TSHR: variants seen among roughly 807,000 people sequenced by gnomAD.
TSHR encodes the protein thyroid stimulating hormone receptor.
A neutral mutation model predicts 64.1 loss-of-function variants in TSHR; 51 were observed. The ratio of observed to expected loss-of-function variants is 0.80; its 90% confidence interval spans 0.64 to 1.01. The LOEUF (loss-of-function observed/expected upper bound fraction) is 1.01. TSHR is among the 50% of genes least tolerant of loss of function. The pLI, the probability that TSHR is intolerant of heterozygous loss-of-function variation, is 0.00. For missense variants in TSHR, 877 were observed against 942.8 expected (o/e 0.93, Z 0.91); for synonymous variants, 361 against 361.9 (o/e 1.00, Z 0.03).
intron 8 of TSHR, among the ~76,000 whole-genome samples, chr14:81,118,338 C>A (rs565476235): frequency 0.02 from 1,807 of 91,490 alleles, 94 homozygotes; most frequent in African/African-American, 0.087. Context: ...TCTCAGGATA[C>A]AAAATCAATG....
At chr14:81,112,324 C>G (rs1890259876) in intron 8 of TSHR, among the ~76,000 whole-genome samples, 1 of 152,176 alleles carries the variant, frequency 6.6e-6, no homozygotes, top group Admixed American at 6.5e-5. Flanking sequence ...CTTCATTATT[C>G]TGATCTGTTG....
chr14:80,970,098 G>T (rs571643861), intron 1 of TSHR, among the ~76,000 whole-genome samples: 4 of 152,112 alleles, frequency 2.6e-5, no homozygotes, highest in Admixed American at 2.0e-4. Flanking sequence ...ATTTTTTTTG[G>T]CTGGCATTAG....
chr14:81,058,434 C>T (rs1885980154), intron 1 of TSHR, among the ~76,000 whole-genome samples: 1 of 152,190 alleles, frequency 6.6e-6, no homozygotes, highest in Admixed American at 6.5e-5. Flanking sequence ...ATAAAATGTG[C>T]ATTCTCCACA....
At chr14:80,985,286 T>A (rs542002510) in intron 1 of TSHR, among the ~76,000 whole-genome samples, 6 of 152,324 alleles carry the variant, frequency 3.9e-5, no homozygotes, top group African/African-American at 1.4e-4. Flanking sequence ...AATTGCTTTT[T>A]TCCTCCTTGC....
At chr14:81,036,780 T>C (rs1884647008) in intron 1 of TSHR, among the ~76,000 whole-genome samples, 1 of 152,196 alleles carries the variant, frequency 6.6e-6, no homozygotes, top group Non-Finnish European at 1.5e-5. Context: ...ATGATTACTA[T>C]AGCTACAACA....
intron 8 of TSHR, among the ~76,000 whole-genome samples, chr14:81,115,743 T>C (rs1371990362): frequency 8.4e-4 from 127 of 151,520 alleles, no homozygotes; most frequent in Admixed American, 8.3e-3. Context: ...TTCACCAAAG[T>C]TGAAATGAAG....
chr14:81,027,564 CT>C (rs1484517100), intron 1 of TSHR, among the ~76,000 whole-genome samples: 1 of 152,108 alleles, frequency 6.6e-6, no homozygotes, highest in African/African-American at 2.4e-5. Context: ...TCATCAAGTT[CT>C]CAGGGTAACA....
intron 1 of TSHR, among the ~76,000 whole-genome samples, chr14:80,984,087 G>T (rs1308254153): frequency 6.6e-6 from 1 of 152,130 alleles, no homozygotes; most frequent in African/African-American, 2.4e-5. Context: ...GTGTGAGTGT[G>T]CACGTGTATA....
intron 7 of TSHR, among the ~76,000 whole-genome samples, chr14:81,099,081 AC>A (rs1190313449): frequency 2.0e-5 from 3 of 152,154 alleles, no homozygotes; most frequent in Non-Finnish European, 4.4e-5. Context: ...TTTTCAAAGC[AC>A]TAATGCCTAG....
chr14:81,112,723 G>T (rs547483302), intron 8 of TSHR, among the ~76,000 whole-genome samples: 1 of 152,148 alleles, frequency 6.6e-6, no homozygotes, highest in Non-Finnish European at 1.5e-5. Context: ...TGAGTGAAAA[G>T]CCTCATCAAG....
intron 3 of TSHR, among the ~76,000 whole-genome samples, chr14:81,080,866 T>A (rs539711986): frequency 6.6e-6 from 1 of 152,328 alleles, no homozygotes; most frequent in South Asian, 2.1e-4. Flanking sequence ...CTTTTAACTT[T>A]TGACCCAGTA....
chr14:80,988,710 G>T (rs1280417860), intron 1 of TSHR, among the ~76,000 whole-genome samples: 1 of 152,172 alleles, frequency 6.6e-6, no homozygotes, highest in Non-Finnish European at 1.5e-5. Flanking sequence ...AGCTTGAGGA[G>T]CCTCTGATTT....
At chr14:80,999,887 G>A (rs1889215023) in intron 1 of TSHR, among the ~76,000 whole-genome samples, 1 of 151,016 alleles carries the variant, frequency 6.6e-6, no homozygotes, top group South Asian at 2.1e-4. Flanking sequence ...TATTTCACAT[G>A]AGTATTAAAT....
chr14:81,086,074 A>G (rs1287539934), intron 3 of TSHR, among the ~76,000 whole-genome samples: 7 of 152,204 alleles, frequency 4.6e-5, no homozygotes, highest in African/African-American at 7.2e-5. Context: ...TCATGACATA[A>G]TAGTTTAGGA....
intron 3 of TSHR, among the ~76,000 whole-genome samples, chr14:81,070,911 AG>A (rs1398419385): frequency 1.3e-5 from 2 of 152,228 alleles, no homozygotes; most frequent in Non-Finnish European, 2.9e-5. Context: ...ACAAAAGGAA[AG>A]CCATCCCACA....
rs762578565 is a variant in TSHR, at chr14:81,108,442, C to A, written c.682C>A (p.Pro228Thr). ...KDAFGGVYSG[P>T]SLLDVSQTSV... ...TGCATTTGGAGGAGTATACAGTGGACCAAGCTTGCTGTGAGTAAGACATAC... is the reference window on the plus strand; with the variant it reads ...TGCATTTGGAGGAGTATACAGTGGAACAAGCTTGCTGTGAGTAAGACATAC... Residue 228 changes from proline (P) to threonine (T), a missense_variant, in exon 8 of 10, where the codon CCA (proline) becomes ACA (threonine). Pro to Thr is a conservative substitution (Grantham distance 38). Coordinates refer to ENST00000298171, the MANE Select transcript of TSHR (RefSeq NM_000369.5). The A allele has an allele frequency of 1.9e-6, 3 of 1,613,224 alleles. No homozygotes were observed. In the South Asian group the frequency reaches 3.3e-5, roughly 18 times the overall value.
At chr14:80,975,361 A>G (rs1887814948) in intron 1 of TSHR, among the ~76,000 whole-genome samples, 1 of 152,014 alleles carries the variant, frequency 6.6e-6, no homozygotes, top group African/African-American at 2.4e-5. Flanking sequence ...ACCTACATCC[A>G]TGTTCTTTTG....
At position 81,146,017 on chromosome 14, in the gene TSHR, T is replaced by C. The variant is rs540604773; in HGVS notation, c.*1664T>C. The C allele has an allele frequency of 1.3e-5, 3 of 231,738 alleles. No homozygotes were observed. Among genetic ancestry groups the C allele is most frequent in the South Asian group, 3.6e-4 (2 of 5,508 alleles). The allele number at this position is 231,738 out of a possible 1,614,324, so 14.4% of individuals were successfully genotyped here. A position where few individuals can be genotyped will look rare whatever the true frequency, so the allele number is the denominator to read the frequency against. On this transcript the variant is annotated 3_prime_UTR_variant, in exon 10 of 10. Transcript: ENST00000298171. ...CAGCCATACCCACTCATCACTATCA[T>C]TGAGACCTGCACATCTTAATAGAAA... is the stretch of plus-strand genomic sequence containing the variant.
chr14:81,136,196 C>A (rs963343691), intron 8 of TSHR, among the ~76,000 whole-genome samples: 8 of 152,124 alleles, frequency 5.3e-5, no homozygotes, highest in Non-Finnish European at 1.0e-4. Flanking sequence ...TGACATTACT[C>A]AATTCATATG....
Sources: gnomAD v4.1 joint callset for allele counts (sites outside exome capture counted in the v4.1 genomes callset) on GRCh38, gnomAD v4.1.1 for gene constraint, MANE v1.5 for transcripts, NCBI Gene and HGNC (gene_info 2026-07-23, HGNC 2026-07-21) for gene names.